Variants in ARHGEF33 observed in about 807,000 individuals in gnomAD.
ARHGEF33 encodes Rho guanine nucleotide exchange factor 33, also known as DH and coiled-coil domain-containing protein ENSP00000381780.
In ARHGEF33, 72 loss-of-function variants were observed where a neutral mutation model predicts 101.9. That is an observed-to-expected ratio of 0.71 (90% CI 0.58 to 0.86). ARHGEF33 has a LOEUF of 0.86. Ranked by LOEUF, ARHGEF33 falls within the 40% of genes least tolerant of loss-of-function variation. The probability of loss-of-function intolerance (pLI) is 0.00; values close to 1 mark genes in which losing one functional copy is unlikely to be tolerated. For synonymous variants in ARHGEF33, 499 were observed against 442.5 expected, an observed-to-expected ratio of 1.13 and a Z score of -1.60; for missense variants, 1,169 against 1,111.3, an observed-to-expected ratio of 1.05 and a Z score of -0.74.
Position 38,937,407 on chromosome 2 carries a change from G to A in ARHGEF33, c.638G>A (p.Gly213Asp). 2 of 1,546,206 alleles carry A rather than the reference G, an allele frequency of 1.3e-6. No individual in the cohort carries two copies. The highest frequency in any genetic ancestry group is 1.2e-5 in the South Asian group (1 of 83,848). ...CTCTCGGCTGATATCCAGTCCAAGG[G>A]CCATCTCCCATCTGGCATGTGGAGG... The part of the protein sequence containing the change: ...SCLSADIQSK[G>D]HLPSGMWRQP... Residue 213 changes from glycine (G) to aspartate (D), a missense_variant, in exon 9 of 18, where the codon GGC becomes GAC. Gly to Asp is a moderately conservative substitution (Grantham distance 94). Coordinates refer to ENST00000409978, the MANE Select transcript of ARHGEF33 (RefSeq NM_001145451.5).
rs1667783715 is a variant in ARHGEF33, at chr2:38,956,960, A to G, written c.1283A>G (p.Gln428Arg). ...TATTATCTACTACTGGTGTGTGTCCAGCGCCTCCGAGTATTTATCTCACAC... is the reference window on the plus strand; with the variant it reads ...TATTATCTACTACTGGTGTGTGTCCGGCGCCTCCGAGTATTTATCTCACAC... ...PDYYLLLVCV[Q>R]RLRVFISHYT... The change falls in exon 14 of 18, where the codon CAG becomes CGG. Residue 428 changes from glutamine (Q) to arginine (R), a missense_variant. Transcript: ENST00000409978. The G allele has an allele frequency of 1.9e-6, 3 of 1,552,180 alleles. No individual in the cohort carries two copies. The highest frequency in any genetic ancestry group is 1.2e-5 in the South Asian group (1 of 84,068).
Position 38,966,137 on chromosome 2 carries a change from T to TA in ARHGEF33, c.2480dup (p.Lys828GlufsTer12). On this transcript the variant is annotated frameshift_variant, in exon 17 of 18. Coordinates refer to ENST00000409978, the MANE Select transcript of ARHGEF33 (RefSeq NM_001145451.5). LOFTEE classifies it high-confidence loss of function. ...TTCGCAGCTCCTTCCGCAAGCTCTT[T>TA]AAAAAGAAGTGAGTAGCCCTTAGAC... The TA allele has an allele frequency of 6.4e-7, 1 of 1,551,444 alleles. No individual in the cohort carries two copies. Among genetic ancestry groups the TA allele is most frequent in the Non-Finnish European group, 8.7e-7 (1 of 1,146,934 alleles).
chr2:38,918,804 G>C (rs1471542647), intron 2 of ARHGEF33, among the ~76,000 whole-genome samples: 1 of 151,220 alleles, frequency 6.6e-6, no homozygotes, highest in African/African-American at 2.4e-5. Flanking sequence ...ACTTTGGGAG[G>C]CCGAGGTTGG....
chr2:38,953,283 A>G, intron 12 of ARHGEF33, 38 bp downstream of exon 12: 1 of 1,124,244 alleles, frequency 8.9e-7, no homozygotes. Flanking sequence ...CTTCATCTGC[A>G]CATGGCATCA....
At chr2:38,897,326 T>A (rs1335449535) in intron 2 of ARHGEF33, among the ~76,000 whole-genome samples, 1 of 152,182 alleles carries the variant, frequency 6.6e-6, no homozygotes, top group African/African-American at 2.4e-5. Context: ...TATCACACTT[T>A]CTATCCACTT....
chr2:38,896,088 T>C (rs765564651), intron 2 of ARHGEF33, among the ~76,000 whole-genome samples: 5 of 152,228 alleles, frequency 3.3e-5, no homozygotes, highest in Non-Finnish European at 5.9e-5. Context: ...TGATTGCGTA[T>C]ATGAATGCTA....
intron 2 of ARHGEF33, among the ~76,000 whole-genome samples, chr2:38,903,612 G>A (rs1666299570): frequency 6.6e-6 from 1 of 151,960 alleles, no homozygotes; most frequent in African/African-American, 2.4e-5. Flanking sequence ...TTCCAAAGTG[G>A]GTGAAGGAAG....
chr2:38,901,139 T>C (rs1666228909), intron 2 of ARHGEF33, among the ~76,000 whole-genome samples: 1 of 152,190 alleles, frequency 6.6e-6, no homozygotes, highest in African/African-American at 2.4e-5. Context: ...AGCATTTCTT[T>C]CTTTTTATTT....
At chr2:38,933,188 G>C (rs761325147) in intron 7 of ARHGEF33, among the ~76,000 whole-genome samples, 1 of 152,150 alleles carries the variant, frequency 6.6e-6, no homozygotes, top group Non-Finnish European at 1.5e-5. Flanking sequence ...TGCTGGCCAT[G>C]GCTGTCATCT....
In ARHGEF33 at chr2:38,937,423, C is replaced by CA; in HGVS notation, c.655dup (p.Met219AsnfsTer6). 5 of 1,544,904 alleles carry CA rather than the reference C, an allele frequency of 3.2e-6. No homozygotes were observed. The highest frequency in any genetic ancestry group is 4.4e-6 in the Non-Finnish European group (5 of 1,142,944). ...AGTCCAAGGGCCATCTCCCATCTGGCATGTGGAGGCAGCCTAAGGATGGTA... is the reference window on the plus strand; with the variant it reads ...AGTCCAAGGGCCATCTCCCATCTGGCAATGTGGAGGCAGCCTAAGGATGGTA... On this transcript the variant is annotated frameshift_variant, in exon 9 of 18. Transcript: ENST00000409978. LOFTEE classifies it high-confidence loss of function.
intron 7 of ARHGEF33, among the ~76,000 whole-genome samples, chr2:38,933,804 A>C (rs745353276): frequency 1.3e-5 from 2 of 152,218 alleles, no homozygotes; most frequent in South Asian, 4.1e-4. Flanking sequence ...GTAAATGCTA[A>C]GGGGTGGGGA....
intron 2 of ARHGEF33, among the ~76,000 whole-genome samples, chr2:38,911,220 T>C (rs1399242722): frequency 2.0e-5 from 3 of 152,214 alleles, no homozygotes; most frequent in Non-Finnish European, 4.4e-5. Flanking sequence ...ATATAGACTC[T>C]CTTCTTGAAA....
chr2:38,898,556 A>G (rs1027270770), intron 2 of ARHGEF33, among the ~76,000 whole-genome samples: 2 of 152,234 alleles, frequency 1.3e-5, no homozygotes, highest in African/African-American at 2.4e-5. Flanking sequence ...ACATCTCTAT[A>G]TTAAGCACGT....
chr2:38,944,063 A>T (rs978880342), intron 10 of ARHGEF33, 33 bp downstream of exon 10: 9 of 1,527,324 alleles, frequency 5.9e-6, no homozygotes, highest in Admixed American at 4.3e-5. Context: ...TGCTTTTCAG[A>T]TTGATTAGGA....
chr2:38,947,582 A>G (rs928022739), intron 10 of ARHGEF33, among the ~76,000 whole-genome samples: 1 of 152,038 alleles, frequency 6.6e-6, no homozygotes, highest in African/African-American at 2.4e-5. Flanking sequence ...CTACTTTTTC[A>G]GTTTATTATA....
chr2:38,913,464 A>G (rs534066174), intron 2 of ARHGEF33, among the ~76,000 whole-genome samples: 1 of 152,294 alleles, frequency 6.6e-6, no homozygotes, highest in South Asian at 2.1e-4. Flanking sequence ...GACAAAATAA[A>G]ATAGAATAAA....
At chr2:38,906,718 C>T (rs1342694536) in intron 2 of ARHGEF33, among the ~76,000 whole-genome samples, 2 of 149,038 alleles carry the variant, frequency 1.3e-5, no homozygotes, top group Non-Finnish European at 3.0e-5. Context: ...GTAATAATCC[C>T]AGGATTTTGG....
intron 4 of ARHGEF33, among the ~76,000 whole-genome samples, chr2:38,924,848 T>C (rs1038121301): frequency 1.3e-5 from 2 of 152,174 alleles, no homozygotes; most frequent in African/African-American, 4.8e-5. Flanking sequence ...AGGAATTTAT[T>C]CTAAGGAAAT....
intron 15 of ARHGEF33, 55 bp from the exon 16 acceptor site, chr2:38,959,786 C>A: frequency 6.8e-7 from 1 of 1,471,426 alleles, no homozygotes; most frequent in Non-Finnish European, 9.1e-7. Context: ...AGGCGAGAGG[C>A]CTGCACTAAC....
Sources: gnomAD v4.1 joint callset for allele counts (sites outside exome capture counted in the v4.1 genomes callset) on GRCh38, gnomAD v4.1.1 for gene constraint, MANE v1.5 for transcripts, NCBI Gene and HGNC (gene_info 2026-07-23, HGNC 2026-07-21) for gene names.